Variants in IQSEC1 observed in about 807,000 individuals in gnomAD.
IQSEC1 encodes IQ motif and SEC7 domain-containing protein 1.
A neutral mutation model predicts 91.0 loss-of-function variants in IQSEC1; 31 were observed. The ratio of observed to expected loss-of-function variants is 0.34; its 90% confidence interval spans 0.26 to 0.46. IQSEC1 has a LOEUF of 0.46. Among genes scored for constraint, IQSEC1 ranks in the 20% least tolerant of loss-of-function variants. The pLI, the probability that IQSEC1 is intolerant of heterozygous loss-of-function variation, is 1.00. For synonymous variants in IQSEC1, 699 were observed against 662.6 expected (o/e 1.05, Z -0.84); for missense variants, 1,388 against 1,575.6 (o/e 0.88, Z 2.02).
chr3:13,233,068 A>G lies in IQSEC1; in HGVS notation c.272+49643T>C, dbSNP rs73033210. ...AGATGGGTGGCAGTGGTGGCTGCAC[A>G]GCAAAGTGAAGGTACTAATGCCACC... is the stretch of plus-strand genomic sequence containing the variant. On this transcript the variant is annotated intron_variant, in intron 1 of 15. Transcript: ENST00000648114. Among the ~76,000 whole-genome samples, 1,149 of 152,350 alleles carry G rather than the reference A, an allele frequency of 7.5e-3. 8 individuals are homozygous for G. Among genetic ancestry groups the G allele is most frequent in the Non-Finnish European group, 0.012 (830 of 68,024 alleles).
At chr3:13,006,893 G>C (rs559559231) in intron 1 of IQSEC1, among the ~76,000 whole-genome samples, 1 of 152,208 alleles carries the variant, frequency 6.6e-6, no homozygotes, top group Non-Finnish European at 1.5e-5. Flanking sequence ...GCTCTGGGCC[G>C]GGCTCTGACT....
rs532009647 is a variant in IQSEC1 at position 12,967,093 on chromosome 3, G to T, written c.24-25228C>A. Among the ~76,000 whole-genome samples, 371 of 142,534 alleles carry T rather than the reference G, an allele frequency of 2.6e-3. 3 individuals are homozygous for T. The highest frequency in any genetic ancestry group is 8.8e-3 in the African/African-American group (357 of 40,464). The allele number at this position is 142,534 out of a possible 152,430, so 93.5% of individuals were successfully genotyped here. A position where few individuals can be genotyped will look rare whatever the true frequency, so the allele number is the denominator to read the frequency against. ...CCCCACACCAACTTGCACTCCAACAGGCCCTCGATCACACACACACACTCC... is the reference window on the plus strand; with the variant it reads ...CCCCACACCAACTTGCACTCCAACATGCCCTCGATCACACACACACACTCC... On this transcript the variant is annotated intron_variant, in intron 1 of 13. Coordinates refer to ENST00000613206, the MANE Select transcript of IQSEC1 (RefSeq NM_001134382.3). This position sits in a 1 kb window ranked among gnomAD's most constrained non-coding sequence, Gnocchi z 5.9.
intron 2 of IQSEC1, among the ~76,000 whole-genome samples, chr3:13,101,180 T>C (rs1706056089): frequency 6.6e-6 from 1 of 152,092 alleles, no homozygotes; most frequent in African/African-American, 2.4e-5. Flanking sequence ...GCGACTTCTG[T>C]TTTTAAAAGC....
intron 1 of IQSEC1, among the ~76,000 whole-genome samples, chr3:13,029,676 G>A (rs1408082706): frequency 1.3e-5 from 2 of 152,226 alleles, no homozygotes; most frequent in Non-Finnish European, 1.5e-5. Context: ...CCCCTTGTGC[G>A]TGAGCGTGAG....
chr3:12,968,393 G>A (rs757286393), intron 1 of IQSEC1, among the ~76,000 whole-genome samples: 3 of 151,840 alleles, frequency 2.0e-5, no homozygotes, highest in Non-Finnish European at 4.4e-5. Flanking sequence ...CACCCTTCAA[G>A]CACCTATGAC....
intron 1 of IQSEC1, among the ~76,000 whole-genome samples, chr3:13,252,165 T>C (rs1695205726): frequency 2.0e-5 from 3 of 152,154 alleles, no homozygotes; most frequent in African/African-American, 4.8e-5. Flanking sequence ...TCCTCCCAAA[T>C]TGAAACTCTG....
At chr3:12,911,769 G>C in intron 9 of IQSEC1, 41 bp from the exon 10 acceptor site, 3 of 1,371,602 alleles carry the variant, frequency 2.2e-6, no homozygotes, top group South Asian at 1.2e-5. Context: ...CAGTGTCTCG[G>C]GGGGCACTGA....
chr3:13,170,535 T>C (rs1051272880), intron 1 of IQSEC1, among the ~76,000 whole-genome samples: 3 of 152,110 alleles, frequency 2.0e-5, no homozygotes, highest in Non-Finnish European at 4.4e-5. Flanking sequence ...AGACACTCAA[T>C]GCCAGCCAGT....
chr3:12,951,494 C>T lies in IQSEC1; in HGVS notation c.24-9629G>A, dbSNP rs184424052. On this transcript the variant is annotated intron_variant, in intron 1 of 13. Coordinates refer to ENST00000613206, the MANE Select transcript of IQSEC1 (RefSeq NM_001134382.3). ...AAGAAGAGACATAGAGCTGGTGTAG[C>T]CAGCAAGACAGGAACAGTGAGGGCT... Among the ~76,000 whole-genome samples the T allele has an allele frequency of 1.7e-3, 258 of 151,816 alleles. 1 individual carries two copies. Among genetic ancestry groups the T allele is most frequent in the African/African-American group, 5.4e-3 (224 of 41,418 alleles).
Position 12,899,572 on chromosome 3 carries a change from T to G in IQSEC1, c.*1411A>C. The G allele has an allele frequency of 2.7e-6, 4 of 1,482,160 alleles. No individual in the cohort carries two copies. Among genetic ancestry groups the G allele is most frequent in the Admixed American group, 4.7e-5 (2 of 42,590 alleles). The allele number at this position is 1,482,160 out of a possible 1,614,324, so 91.8% of individuals were successfully genotyped here. On this transcript the variant is annotated 3_prime_UTR_variant, in exon 14 of 14. Transcript: ENST00000613206. ...GTCATGTGATGCCCTGGCAGCTCACTGGACCATGGGAAGGCAGCGGGGGCT... is the reference window on the plus strand; with the variant it reads ...GTCATGTGATGCCCTGGCAGCTCACGGGACCATGGGAAGGCAGCGGGGGCT...
At chr3:13,024,856 C>T (rs990464911) in intron 1 of IQSEC1, among the ~76,000 whole-genome samples, 3 of 152,242 alleles carry the variant, frequency 2.0e-5, no homozygotes, top group African/African-American at 4.8e-5. Context: ...TCTTTGACTC[C>T]TTTGTCCCTA....
rs1261715516 is a variant in IQSEC1, at chr3:12,922,100, C to T, written c.1853+20G>A. On this transcript the variant is annotated intron_variant, in intron 5 of 13. Transcript: ENST00000613206. This position sits in a 1 kb window ranked among gnomAD's most constrained non-coding sequence, Gnocchi z 5.1. ...ACCATTCTTCCCTGATGCAGCAGCC[C>T]CAGCCAGCCCGGGCCCCACCTGAAC... The T allele has an allele frequency of 6.4e-7, 1 of 1,555,976 alleles. No individual in the cohort carries two copies. The highest frequency in any genetic ancestry group is 8.7e-7 in the Non-Finnish European group (1 of 1,144,842).
chr3:13,171,008 G>A (rs1576281084), intron 1 of IQSEC1, among the ~76,000 whole-genome samples: 2 of 152,104 alleles, frequency 1.3e-5, no homozygotes, highest in Non-Finnish European at 1.5e-5. Context: ...GCTGAGGCAG[G>A]AGAATAGCTT....
In IQSEC1 at chr3:13,095,894, C is replaced by T. The variant is rs1292068064; in HGVS notation, c.303-48372G>A. Among the ~76,000 whole-genome samples the T allele has an allele frequency of 3.9e-5, 6 of 152,220 alleles. No homozygotes were observed. In the South Asian group the frequency reaches 1.2e-3, roughly 32 times the overall value. On this transcript the variant is annotated intron_variant, in intron 2 of 15. Coordinates refer to the IQSEC1 transcript ENST00000648114. ...GCTGAGGGAGGGGCGGCGAGATTCA[C>T]GTGAGACCTCATGCATTCACTGATT... is the stretch of plus-strand genomic sequence containing the variant.
At chr3:13,053,033 T>C in intron 1 of IQSEC1, 1 of 1,145,678 alleles carries the variant, frequency 8.7e-7, no homozygotes, top group Non-Finnish European at 1.3e-6. Flanking sequence ...TATTACCAGT[T>C]TTCATCCGAA....
chr3:13,028,075 C>T (rs1301851212), intron 1 of IQSEC1, among the ~76,000 whole-genome samples: 2 of 152,172 alleles, frequency 1.3e-5, no homozygotes, highest in Non-Finnish European at 2.9e-5. Flanking sequence ...TCCAGAGACG[C>T]CTGTGGCCCC....
chr3:13,051,034 C>T (rs1704673045), intron 1 of IQSEC1, among the ~76,000 whole-genome samples: 1 of 152,156 alleles, frequency 6.6e-6, no homozygotes, highest in Admixed American at 6.5e-5. Flanking sequence ...CAGTGGCACC[C>T]AGTTTCCCTG....
intron 2 of IQSEC1, among the ~76,000 whole-genome samples, chr3:13,158,951 G>A (rs542991291): frequency 6.6e-6 from 1 of 151,088 alleles, no homozygotes; most frequent in Admixed American, 6.6e-5. Flanking sequence ...GACAGAGTAG[G>A]ACTCGGTCTC....
intron 2 of IQSEC1, among the ~76,000 whole-genome samples, chr3:13,129,155 T>C (rs1180564576): frequency 1.3e-5 from 2 of 152,238 alleles, no homozygotes; most frequent in African/African-American, 2.4e-5. Context: ...TTCAATTTGT[T>C]TGATATAAAG....
Sources: allele counts gnomAD v4.1 joint callset (sites outside exome capture counted in the v4.1 genomes callset), GRCh38; gene constraint gnomAD v4.1.1; non-coding constraint Gnocchi (gnomAD v3.1); transcripts MANE v1.5; gene names NCBI Gene and HGNC (gene_info 2026-07-23, HGNC 2026-07-21).